GNAL: variants seen among roughly 807,000 people sequenced by gnomAD.
GNAL encodes G protein subunit alpha L.
Under a neutral mutation model 55.1 loss-of-function variants are expected in GNAL, and 18 were observed. The observed-to-expected ratio is 0.33, with a 90% CI of 0.23 to 0.48. The LOEUF (loss-of-function observed/expected upper bound fraction) is 0.48. Ranked by LOEUF, GNAL falls within the 20% of genes least tolerant of loss-of-function variation. The probability of loss-of-function intolerance (pLI) is 0.99; values close to 1 mark genes in which losing one functional copy is unlikely to be tolerated. For synonymous variants in GNAL, 253 were observed against 237.0 expected (o/e 1.07, Z -0.62); for missense variants, 412 against 614.1 (o/e 0.67, Z 3.48).
chr18:11,696,503 T>TC (rs1555640145), intron 1 of GNAL, among the ~76,000 whole-genome samples: 3 of 113,484 alleles, frequency 2.6e-5, no homozygotes, highest in African/African-American at 1.8e-4. Context: ...AGACTCCGCC[T>TC]CAAAAAAAAA....
At chr18:11,805,914 G>A (rs997739803) in intron 4 of GNAL, among the ~76,000 whole-genome samples, 2 of 152,198 alleles carry the variant, frequency 1.3e-5, no homozygotes, top group East Asian at 1.9e-4. Context: ...GATTATTTGA[G>A]GAATCTCCAT....
At chr18:11,743,598 T>C (rs547677681) in intron 1 of GNAL, among the ~76,000 whole-genome samples, 1 of 152,330 alleles carries the variant, frequency 6.6e-6, no homozygotes, top group Non-Finnish European at 1.5e-5. Context: ...CATCTGATGT[T>C]TGTTAATTGG....
At chr18:11,783,057 C>G (rs996421647) in intron 4 of GNAL, among the ~76,000 whole-genome samples, 3 of 152,170 alleles carry the variant, frequency 2.0e-5, no homozygotes, top group Admixed American at 2.0e-4. Flanking sequence ...GTAACTAACT[C>G]TGTCATTCTG....
Position 11,851,445 on chromosome 18 carries a change from T to TA in GNAL, c.723-10949dup, listed in dbSNP as rs2035862847. On this transcript the variant is annotated intron_variant, in intron 5 of 11. Transcript: ENST00000334049. Reference sequence around the variant, plus strand: ...AAGGAGCGGCGGCCGGGAGCGGACTTACCTTACCTTCTCTGCCTTCGGCGC... The same window carrying TA: ...AAGGAGCGGCGGCCGGGAGCGGACTTAACCTTACCTTCTCTGCCTTCGGCGC... 5.5e-6 allele frequency: 8 copies of TA among 1,461,354 alleles called. No homozygotes were observed. In the South Asian group the frequency reaches 5.9e-5, roughly 11 times the overall value. The allele number at this position is 1,461,354 out of a possible 1,614,324, so 90.5% of individuals were successfully genotyped here. A position where few individuals can be genotyped will look rare whatever the true frequency, so the allele number is the denominator to read the frequency against.
At chr18:11,839,697 T>C (rs1411901497) in intron 5 of GNAL, among the ~76,000 whole-genome samples, 1 of 151,964 alleles carries the variant, frequency 6.6e-6, no homozygotes, top group Non-Finnish European at 1.5e-5. Flanking sequence ...CAAAATGTGG[T>C]GTATCCCTAC....
chr18:11,730,073 G>A (rs1264850885), intron 1 of GNAL, among the ~76,000 whole-genome samples: 2 of 149,344 alleles, frequency 1.3e-5, no homozygotes, highest in East Asian at 1.9e-4. Context: ...TCGCTCTTTC[G>A]CCCAGGCCGA....
intron 4 of GNAL, among the ~76,000 whole-genome samples, chr18:11,760,182 G>A (rs2033195924): frequency 6.6e-6 from 1 of 152,122 alleles, no homozygotes; most frequent in Non-Finnish European, 1.5e-5. Context: ...GCTAACTTAG[G>A]TTATGATAGA....
chr18:11,792,067 G>T (rs73946342), intron 4 of GNAL, among the ~76,000 whole-genome samples: 2,337 of 152,264 alleles, frequency 0.015, 58 homozygotes, highest in African/African-American at 0.053. Flanking sequence ...TCCTGAAACT[G>T]AGCAACCTCT....
intron 1 of GNAL, among the ~76,000 whole-genome samples, chr18:11,698,613 G>T (rs991188617): frequency 6.6e-6 from 1 of 152,142 alleles, no homozygotes. Flanking sequence ...AGTGACGGTG[G>T]CTGCTCTTGG....
intron 7 of GNAL, among the ~76,000 whole-genome samples, chr18:11,866,264 G>A (rs1489289416): frequency 4.0e-5 from 6 of 150,206 alleles, no homozygotes; most frequent in African/African-American, 1.0e-4. Flanking sequence ...GTATCTCAGC[G>A]TGCCCCACGT....
chr18:11,771,249 A>G (rs78297897), intron 4 of GNAL, among the ~76,000 whole-genome samples: 23,396 of 151,168 alleles, frequency 0.15, 2,275 homozygotes, highest in African/African-American at 0.27. Flanking sequence ...AGAGATTATC[A>G]TTAGTGTTTC....
At position 11,689,747 on chromosome 18, in the gene GNAL, G is replaced by A; in HGVS notation, c.184G>A (p.Ala62Thr). Residue 62 changes from alanine to threonine, a missense_variant, in exon 1 of 12, where the codon GCA (alanine) becomes ACA (threonine). Transcript: ENST00000334049. ...LLPRGGEGSP[A>T]CARPKADKPK... is the part of the protein sequence containing the mutation. ...CCCTCGGGGCGGCGAAGGGAGCCCG[G>A]CATGCGCTCGGCCCAAAGCAGACAA... 1 of 1,508,338 alleles carries A rather than the reference G, an allele frequency of 6.6e-7. No homozygotes were observed. Among genetic ancestry groups the A allele is most frequent in the Non-Finnish European group, 8.8e-7 (1 of 1,132,134 alleles). 93.4% of individuals were successfully genotyped at this position (1,508,338 alleles called of 1,614,324 possible).
intron 5 of GNAL, among the ~76,000 whole-genome samples, chr18:11,844,908 C>T (rs923590687): frequency 1.6e-4 from 24 of 151,874 alleles, no homozygotes; most frequent in Non-Finnish European, 3.2e-4. Flanking sequence ...TCTTGTTGCC[C>T]AGGCTGGAGT....
rs2143505094 is a variant in GNAL, at chr18:11,801,131, G to A, written c.625-23787G>A. ...GAAACAAATATTTACTGAACTCTTA[G>A]CATGTGTCAAGGGCAATGCTAAGTG... is the stretch of plus-strand genomic sequence containing the variant. On this transcript the variant is annotated intron_variant, in intron 4 of 11. Coordinates refer to ENST00000334049, the MANE Select transcript of GNAL (RefSeq NM_182978.4). 2.0e-5 allele frequency among the ~76,000 whole-genome samples: 3 copies of A among 152,302 alleles called. 1 individual carries two copies. In the Middle Eastern group the frequency reaches 0.01, roughly 518 times the overall value.
At chr18:11,755,024 GTGTGTA>G (rs947791489) in intron 4 of GNAL, among the ~76,000 whole-genome samples, 1 of 148,002 alleles carries the variant, frequency 6.8e-6, no homozygotes, top group Non-Finnish European at 1.5e-5. Flanking sequence ...GTGTGTGTGT[GTGTGTA>G]TGTGTATTCA....
At chr18:11,772,339 A>G (rs2033660448) in intron 4 of GNAL, among the ~76,000 whole-genome samples, 1 of 152,204 alleles carries the variant, frequency 6.6e-6, no homozygotes, top group Non-Finnish European at 1.5e-5. Flanking sequence ...ATTTAAGTCA[A>G]ATTACCACTC....
At position 11,751,560 on chromosome 18, in the gene GNAL, G is replaced by A; in HGVS notation, c.377-1293G>A. 1 of 985,504 alleles carries A rather than the reference G, an allele frequency of 1.0e-6. No individual in the cohort carries two copies. Among genetic ancestry groups the A allele is most frequent in the Non-Finnish European group, 1.2e-6 (1 of 829,986 alleles). The allele number at this position is 985,504 out of a possible 1,614,324, so 61.0% of individuals were successfully genotyped here. A position where few individuals can be genotyped will look rare whatever the true frequency, so the allele number is the denominator to read the frequency against. ...TGCTAGAATATGCATGATCCTCCGC[G>A]AGTCTTCGCCCGCCAGGAGCAGGGA... On this transcript the variant is annotated intron_variant, in intron 1 of 11. Coordinates refer to ENST00000334049, the MANE Select transcript of GNAL (RefSeq NM_182978.4). The surrounding 1 kb of genome is among the most constrained non-coding windows in gnomAD (Gnocchi z 4.5).
At chr18:11,765,578 T>C (rs1003986898) in intron 4 of GNAL, among the ~76,000 whole-genome samples, 22 of 152,150 alleles carry the variant, frequency 1.4e-4, no homozygotes, top group Admixed American at 3.9e-4. Flanking sequence ...CCACTATTCT[T>C]CCCAGCCTCT....
chr18:11,790,016 G>C (rs1264542959), intron 4 of GNAL, among the ~76,000 whole-genome samples: 2 of 152,222 alleles, frequency 1.3e-5, no homozygotes, highest in Non-Finnish European at 2.9e-5. Context: ...CAAATGAGAA[G>C]AAAGTTCCAG....
Sources: gnomAD v4.1 joint callset for allele counts (sites outside exome capture counted in the v4.1 genomes callset) on GRCh38, gnomAD v4.1.1 for gene constraint, Gnocchi (gnomAD v3.1) non-coding constraint, MANE v1.5 for transcripts, NCBI Gene and HGNC (gene_info 2026-07-23, HGNC 2026-07-21) for gene names.